Variants in HERC4 observed in about 807,000 individuals in gnomAD.
The protein encoded by HERC4 is probable E3 ubiquitin-protein ligase HERC4.
HERC4 carries 28 observed loss-of-function variants against 124.3 expected under a neutral mutation model. The ratio of observed to expected loss-of-function variants is 0.23; its 90% CI spans 0.17 to 0.31. HERC4 has a LOEUF of 0.31. Among genes scored for constraint, HERC4 ranks in the 10% least tolerant of loss-of-function variants. HERC4 has a pLI of 1.00. For missense variants in HERC4, 713 were observed against 1,229.3 expected (o/e 0.58, Z 6.28); for synonymous variants, 407 against 421.5 (o/e 0.97, Z 0.42).
chr10:67,942,692 G>T (rs2033014435), intron 19 of HERC4, among the ~76,000 whole-genome samples: 1 of 152,044 alleles, frequency 6.6e-6, no homozygotes, highest in Non-Finnish European at 1.5e-5. Context: ...TGTATTTTCA[G>T]TAGAAATGGG....
intron 15 of HERC4, among the ~76,000 whole-genome samples, chr10:67,986,375 C>T (rs186293873): frequency 2.6e-5 from 4 of 152,152 alleles, no homozygotes; most frequent in Non-Finnish European, 4.4e-5. Context: ...TTTTTTGAGA[C>T]GGAGTCTCAC....
chr10:68,030,771 T>C (rs1039289805), intron 7 of HERC4, among the ~76,000 whole-genome samples: 4 of 152,218 alleles, frequency 2.6e-5, no homozygotes, highest in African/African-American at 9.6e-5. Context: ...AAAATGTGTA[T>C]TTGTATGTGA....
chr10:67,926,311 C>T (rs1229257866), intron 23 of HERC4, among the ~76,000 whole-genome samples: 1 of 151,728 alleles, frequency 6.6e-6, no homozygotes, highest in South Asian at 2.1e-4. Context: ...GCAGGAGAAT[C>T]GCTTGAACTT....
At chr10:67,926,092 CCT>C (rs763294280) in intron 23 of HERC4, among the ~76,000 whole-genome samples, 3 of 152,024 alleles carry the variant, frequency 2.0e-5, no homozygotes, top group African/African-American at 4.8e-5. Context: ...AAATATCTCC[CCT>C]GTCAAAAATA....
intron 23 of HERC4, among the ~76,000 whole-genome samples, chr10:67,925,584 A>G (rs2030816989): frequency 1.3e-5 from 2 of 152,190 alleles, no homozygotes; most frequent in Admixed American, 1.3e-4. Flanking sequence ...TATGGTACTA[A>G]GCAACACTAA....
At chr10:67,984,545 GATAAAA>G (rs775494070) in intron 15 of HERC4, among the ~76,000 whole-genome samples, 6 of 151,790 alleles carry the variant, frequency 4.0e-5, no homozygotes, top group African/African-American at 7.3e-5. Flanking sequence ...ATGGCTAATA[GATAAAA>G]ATAAAAATAT....
At chr10:68,069,286 T>G (rs1564621072) in intron 3 of HERC4, 1 of 967,126 alleles carries the variant, frequency 1.0e-6, no homozygotes, top group Non-Finnish European at 1.2e-6. Flanking sequence ...AGCTATAAAT[T>G]TAAAAATTGA....
chr10:67,925,749 TG>T (rs1326696977), intron 23 of HERC4, among the ~76,000 whole-genome samples: 1 of 152,102 alleles, frequency 6.6e-6, no homozygotes, highest in Admixed American at 6.6e-5. Flanking sequence ...GCCCTTCTTC[TG>T]GATCACTCAC....
chr10:68,057,151 T>C (rs1168518043), intron 3 of HERC4, among the ~76,000 whole-genome samples: 1 of 152,172 alleles, frequency 6.6e-6, no homozygotes, highest in East Asian at 1.9e-4. Context: ...ACATATAAAT[T>C]TCTCTCACAG....
chr10:68,045,998 T>C (rs2039995020), intron 3 of HERC4, among the ~76,000 whole-genome samples: 1 of 152,166 alleles, frequency 6.6e-6, no homozygotes, highest in African/African-American at 2.4e-5. Flanking sequence ...TATTAAGTAC[T>C]TACCTACTCC....
intron 1 of HERC4, chr10:68,074,618 G>A (rs902104130): frequency 3.9e-5 from 6 of 152,108 alleles, no homozygotes; most frequent in African/African-American, 1.2e-4. Flanking sequence ...TCAGCTCATG[G>A]GGACTGGGAA....
At position 67,922,073 on chromosome 10, in the gene HERC4, A is replaced by C. The variant is rs2131910485; in HGVS notation, c.*858T>G. On this transcript the variant is annotated 3_prime_UTR_variant, in exon 25 of 25. Transcript: ENST00000373700. ...AAGCATCAGCACCATAAAACTGTTA[A>C]GATTTGTTTCTTAAATTCAAGGAAA... 1 of 152,332 alleles carries C rather than the reference A, an allele frequency of 6.6e-6. No individual in the cohort carries two copies. The highest frequency in any genetic ancestry group is 1.9e-4 in the East Asian group (1 of 5,194). The allele number at this position is 152,332 out of a possible 1,614,324, so 9.4% of individuals were successfully genotyped here. A position where few individuals can be genotyped will look rare whatever the true frequency, so the allele number is the denominator to read the frequency against.
At position 67,995,928 on chromosome 10, in the gene HERC4, T is replaced by C. The variant is rs559281078; in HGVS notation, c.1070-3246A>G. 25 of 216,690 alleles carry C rather than the reference T, an allele frequency of 1.2e-4. 1 individual carries two copies. The East Asian group carries it at 4.1e-3, about 35-fold the overall frequency. 13.4% of individuals were successfully genotyped at this position (216,690 alleles called of 1,614,324 possible). On this transcript the variant is annotated intron_variant, in intron 9 of 24. Transcript: ENST00000373700. ...CCTTATCTAAAGAACAGTGATGCCT[T>C]GTTTCAATGTGTATGAACAGACATC...
At position 67,957,381 on chromosome 10, in the gene HERC4, T is replaced by G. The variant is rs568109753; in HGVS notation, c.1927-405A>C. Among the ~76,000 whole-genome samples the G allele has an allele frequency of 6.8e-4, 103 of 152,290 alleles. 1 individual carries two copies. In the Middle Eastern group the frequency reaches 0.01, roughly 15 times the overall value. The stretch of plus-strand genomic sequence containing the variant: ...ATAAGTAATCTGTCTATTCCTTCAT[T>G]TAACAGATATTGAGTATAATGTCAT... On this transcript the variant is annotated intron_variant, in intron 16 of 24. Transcript: ENST00000373700.
intron 22 of HERC4, 143 bp from the exon 23 acceptor site, chr10:67,932,923 G>C (rs1027234841): frequency 4.7e-6 from 3 of 644,124 alleles, no homozygotes; most frequent in African/African-American, 2.0e-5. Context: ...GTTCAAACAG[G>C]ACAAAACCAA....
At chr10:67,981,605 A>G (rs1329565825) in intron 15 of HERC4, among the ~76,000 whole-genome samples, 1 of 152,230 alleles carries the variant, frequency 6.6e-6, no homozygotes, top group Admixed American at 6.5e-5. Context: ...TAGCACATGG[A>G]TCACTCTCAA....
At chr10:68,010,029 C>T (rs766200204) in intron 9 of HERC4, among the ~76,000 whole-genome samples, 12 of 152,208 alleles carry the variant, frequency 7.9e-5, no homozygotes, top group South Asian at 2.1e-4. Context: ...CATCACCGAA[C>T]TTCACCTTCC....
intron 9 of HERC4, among the ~76,000 whole-genome samples, chr10:68,003,948 T>C (rs1304787564): frequency 6.6e-6 from 1 of 152,196 alleles, no homozygotes; most frequent in Non-Finnish European, 1.5e-5. Flanking sequence ...ACAGTGGCTA[T>C]ACTAATTTAC....
intron 5 of HERC4, among the ~76,000 whole-genome samples, chr10:68,036,151 A>G (rs1395690345): frequency 6.7e-6 from 1 of 150,008 alleles, no homozygotes; most frequent in Non-Finnish European, 1.5e-5. Context: ...CACCTCTACT[A>G]AAAAAAAACG....
Sources: allele counts gnomAD v4.1 joint callset (sites outside exome capture counted in the v4.1 genomes callset), GRCh38; gene constraint gnomAD v4.1.1; transcripts MANE v1.5; gene names NCBI Gene and HGNC (gene_info 2026-07-23, HGNC 2026-07-21).